The following WWP1 variants were observed in gnomAD, a reference collection of about 807,000 sequenced individuals.
WWP1 encodes the protein NEDD4-like E3 ubiquitin-protein ligase WWP1.
In WWP1, 49 loss-of-function variants were observed where a neutral mutation model predicts 130.6. The observed-to-expected ratio is 0.38, with a 90% confidence interval of 0.30 to 0.48. WWP1 has a LOEUF of 0.48. Among genes scored for constraint, WWP1 ranks in the 20% least tolerant of loss-of-function variants. The pLI is 0.99. For missense variants in WWP1, 809 were observed against 1,100.6 expected, an observed-to-expected ratio of 0.74 and a Z score of 3.75; for synonymous variants, 332 against 367.8, an observed-to-expected ratio of 0.90 and a Z score of 1.11.
At chr8:86,406,513 A>G (rs189639950) in intron 8 of WWP1, among the ~76,000 whole-genome samples, 1 of 152,338 alleles carries the variant, frequency 6.6e-6, no homozygotes, top group Non-Finnish European at 1.5e-5. Context: ...AGAAAGTTGC[A>G]AAGAAATGTA....
chr8:86,373,127 G>C (rs1398153805), intron 2 of WWP1, among the ~76,000 whole-genome samples: 6 of 147,486 alleles, frequency 4.1e-5, no homozygotes, highest in Admixed American at 3.4e-4. Flanking sequence ...TAAATATTTA[G>C]AAGTGTTTTT....
At chr8:86,391,124 ATTG>A (rs937660662) in intron 5 of WWP1, among the ~76,000 whole-genome samples, 1 of 152,100 alleles carries the variant, frequency 6.6e-6, no homozygotes, top group Non-Finnish European at 1.5e-5. Flanking sequence ...AATTATTTGT[ATTG>A]TTTTCCCCAG....
At chr8:86,454,031 T>A (rs1025160323) in intron 21 of WWP1, among the ~76,000 whole-genome samples, 5 of 152,146 alleles carry the variant, frequency 3.3e-5, no homozygotes, top group Admixed American at 1.3e-4. Flanking sequence ...TATGTAGGAT[T>A]TAGCCTTCTG....
At chr8:86,429,071 C>A (rs1451400907) in intron 11 of WWP1, among the ~76,000 whole-genome samples, 1 of 152,092 alleles carries the variant, frequency 6.6e-6, no homozygotes, top group Non-Finnish European at 1.5e-5. Context: ...TTCTTTCTGC[C>A]CTTTTGCTCT....
intron 7 of WWP1, 60 bp from the exon 8 acceptor site, chr8:86,401,959 T>C (rs1808005300): frequency 7.3e-7 from 1 of 1,375,018 alleles, no homozygotes. Flanking sequence ...CTATGAAAAT[T>C]CTCATGAAAT....
At chr8:86,370,357 T>C (rs1426047622) in intron 2 of WWP1, among the ~76,000 whole-genome samples, 3 of 152,184 alleles carry the variant, frequency 2.0e-5, no homozygotes, top group Non-Finnish European at 2.9e-5. Context: ...GGAGACTTAT[T>C]TTTGGACTCT....
At chr8:86,347,842 A>AAC (rs1208899233) in intron 1 of WWP1, among the ~76,000 whole-genome samples, 2 of 152,194 alleles carry the variant, frequency 1.3e-5, no homozygotes, top group Non-Finnish European at 2.9e-5. Context: ...TAATTTCCAA[A>AAC]ATATATATAG....
intron 5 of WWP1, among the ~76,000 whole-genome samples, chr8:86,396,451 GTTGTTTGTTTT>G (rs1661567615): frequency 6.6e-6 from 1 of 151,606 alleles, no homozygotes; most frequent in African/African-American, 2.4e-5. Flanking sequence ...AGTTTTTCTA[GTTGTTTGTTTT>G]TTGTTTGTTT....
intron 2 of WWP1, among the ~76,000 whole-genome samples, chr8:86,370,855 CTTTTTTTT>C (rs555585296): frequency 3.3e-4 from 15 of 44,888 alleles, no homozygotes; most frequent in African/African-American, 7.3e-4. Flanking sequence ...TATATTCATT[CTTTTTTTT>C]TTTTTTTTTT....
At chr8:86,415,877 G>A (rs1808863855) in intron 9 of WWP1, among the ~76,000 whole-genome samples, 1 of 152,132 alleles carries the variant, frequency 6.6e-6, no homozygotes, top group Non-Finnish European at 1.5e-5. Flanking sequence ...ATTTTATTTT[G>A]TCTATTTCTA....
At chr8:86,387,334 G>C (rs1825339628) in intron 5 of WWP1, among the ~76,000 whole-genome samples, 1 of 152,130 alleles carries the variant, frequency 6.6e-6, no homozygotes, top group Admixed American at 6.5e-5. Context: ...GAAAAAGGTA[G>C]AAGGGAGTGC....
chr8:86,438,893 A>G (rs1229792215), intron 17 of WWP1, among the ~76,000 whole-genome samples: 1 of 152,162 alleles, frequency 6.6e-6, no homozygotes, highest in Admixed American at 6.5e-5. Flanking sequence ...TATGTGTAAT[A>G]TAGTATATAT....
chr8:86,429,848 C>T (rs961934955), intron 11 of WWP1, among the ~76,000 whole-genome samples: 5 of 152,022 alleles, frequency 3.3e-5, no homozygotes, highest in Admixed American at 6.6e-5. Flanking sequence ...AAATCATTTT[C>T]GAAAAACTAA....
At chr8:86,417,263 C>T (rs1808940517) in intron 9 of WWP1, 1 of 152,096 alleles carries the variant, frequency 6.6e-6, no homozygotes. Flanking sequence ...TGGAGCAGGT[C>T]AGGAGTCTCT....
At chr8:86,433,440 A>T (rs1810106556) in intron 14 of WWP1, among the ~76,000 whole-genome samples, 1 of 151,850 alleles carries the variant, frequency 6.6e-6, no homozygotes, top group Non-Finnish European at 1.5e-5. Context: ...CTGGCCAGGC[A>T]TGGTGGCACA....
At chr8:86,347,395 C>G (rs1303273748) in intron 1 of WWP1, among the ~76,000 whole-genome samples, 1 of 151,698 alleles carries the variant, frequency 6.6e-6, no homozygotes, top group Admixed American at 6.6e-5. Context: ...CAACTAAAAC[C>G]CTTATTTTTG....
At chr8:86,377,095 CT>C (rs986115731) in intron 3 of WWP1, among the ~76,000 whole-genome samples, 4 of 150,886 alleles carry the variant, frequency 2.7e-5, no homozygotes, top group Admixed American at 2.6e-4. Context: ...TTGATTTTTT[CT>C]TTTTTTTGAA....
chr8:86,349,891 G>C (rs1822818310), intron 1 of WWP1, among the ~76,000 whole-genome samples: 1 of 152,002 alleles, frequency 6.6e-6, no homozygotes, highest in South Asian at 2.1e-4. Flanking sequence ...CAGATGGGCA[G>C]AGATCGATTC....
intron 4 of WWP1, 47 bp downstream of exon 4, chr8:86,380,911 T>C: frequency 6.6e-7 from 1 of 1,519,012 alleles, no homozygotes; most frequent in South Asian, 1.4e-5. Context: ...AGAAAGTGTA[T>C]TTTTTGGAAT....
Sources: allele counts gnomAD v4.1 joint callset (sites outside exome capture counted in the v4.1 genomes callset), GRCh38; gene constraint gnomAD v4.1.1; transcripts MANE v1.5; gene names NCBI Gene and HGNC (gene_info 2026-07-23, HGNC 2026-07-21).